Variants in SREK1IP1 observed in about 807,000 individuals in gnomAD.
SREK1IP1 encodes the protein protein SREK1IP1.
Under a neutral mutation model 22.8 loss-of-function variants are expected in SREK1IP1, and 12 were observed. The ratio of observed to expected loss-of-function variants is 0.53; its 90% CI spans 0.34 to 0.85. The LOEUF is 0.85. Among genes scored for constraint, SREK1IP1 ranks in the 40% least tolerant of loss-of-function variants. The pLI is 0.02. For synonymous variants in SREK1IP1, 53 were observed against 52.7 expected (o/e 1.01, Z -0.02); for missense variants, 147 against 171.8 (o/e 0.86, Z 0.81).
At chr5:64,750,514 G>C (rs1259857085) in intron 2 of SREK1IP1, among the ~76,000 whole-genome samples, 1 of 152,034 alleles carries the variant, frequency 6.6e-6, no homozygotes, top group Non-Finnish European at 1.5e-5. Flanking sequence ...GGCAATGCTT[G>C]AGTGTAACAA....
rs528221538 is a variant in SREK1IP1 at position 64,729,643 on chromosome 5, A to T, written c.206-1464T>A. ...AAGGTAAATGAATTGGAAAGGGCTA[A>T]GGGGAAAAGGCAGGGGAATAATAAA... On this transcript the variant is annotated intron_variant, in intron 3 of 4. Coordinates refer to ENST00000513458, the MANE Select transcript of SREK1IP1 (RefSeq NM_173829.4). 9.2e-5 allele frequency among the ~76,000 whole-genome samples: 14 copies of T among 152,280 alleles called. No individual in the cohort carries two copies. In the South Asian group the frequency reaches 2.9e-3, roughly 32 times the overall value.
chr5:64,746,324 A>C (rs1234424422), intron 2 of SREK1IP1, among the ~76,000 whole-genome samples: 2 of 152,246 alleles, frequency 1.3e-5, no homozygotes, highest in Non-Finnish European at 2.9e-5. Flanking sequence ...TCTTAGATCT[A>C]ACACCAAAAG....
chr5:64,751,017 C>A (rs1247524876), intron 2 of SREK1IP1, among the ~76,000 whole-genome samples: 1 of 152,190 alleles, frequency 6.6e-6, no homozygotes, highest in East Asian at 1.9e-4. Context: ...TTGGCTTTCT[C>A]TATTTCATCC....
chr5:64,718,195 G>T lies in SREK1IP1; in HGVS notation c.*6189C>A. ...ATTAAACGCACATTAAGGTTTTATT[G>T]GTTTTCCTTTGTATAAATTTATTTG... On this transcript the variant is annotated 3_prime_UTR_variant, in exon 5 of 5. Transcript: ENST00000513458. The T allele has an allele frequency of 2.0e-6, 1 of 494,918 alleles. No homozygotes were observed. Among genetic ancestry groups the T allele is most frequent in the South Asian group, 4.4e-5 (1 of 22,676 alleles). 30.7% of individuals were successfully genotyped at this position (494,918 alleles called of 1,614,324 possible).
chr5:64,761,429 G>A (rs1742950679), intron 1 of SREK1IP1, among the ~76,000 whole-genome samples: 1 of 152,158 alleles, frequency 6.6e-6, no homozygotes, highest in Admixed American at 6.5e-5. Flanking sequence ...TTTTGTCCTT[G>A]TGGCAACATC....
intron 2 of SREK1IP1, among the ~76,000 whole-genome samples, chr5:64,750,811 G>A (rs538867668): frequency 3.3e-5 from 5 of 152,228 alleles, no homozygotes; most frequent in African/African-American, 1.2e-4. Context: ...ATACCTCTTA[G>A]AGGAACTTGC....
At position 64,757,085 on chromosome 5, in the gene SREK1IP1, T is replaced by C. The variant is rs569022482; in HGVS notation, c.14-2723A>G. On this transcript the variant is annotated intron_variant, in intron 1 of 4. Transcript: ENST00000513458. ...TTATGAAGTTAAAACATTAGTTATT[T>C]TCCCCTTAAATTTTAATATTATTTT... Among the ~76,000 whole-genome samples, 262 of 152,348 alleles carry C rather than the reference T, an allele frequency of 1.7e-3. 1 individual carries two copies. Among genetic ancestry groups the C allele is most frequent in the Non-Finnish European group, 2.1e-3 (145 of 68,026 alleles).
intron 4 of SREK1IP1, among the ~76,000 whole-genome samples, chr5:64,725,606 T>C (rs1001409424): frequency 2.0e-5 from 3 of 152,184 alleles, no homozygotes; most frequent in African/African-American, 7.2e-5. Flanking sequence ...GAGTTTTCCC[T>C]TATTTTTGTA....
At chr5:64,763,225 G>C (rs2432138) in intron 1 of SREK1IP1, among the ~76,000 whole-genome samples, 25,482 of 151,948 alleles carry the variant, frequency 0.17, 2,599 homozygotes, top group Non-Finnish European at 0.23. Context: ...CAATTAATCC[G>C]TGAAGAAAAA....
intron 1 of SREK1IP1, among the ~76,000 whole-genome samples, chr5:64,763,267 G>A (rs750292964): frequency 1.8e-4 from 28 of 152,002 alleles, no homozygotes; most frequent in Admixed American, 1.1e-3. Context: ...GGCTGGGCGC[G>A]GTGGCTCATG....
At chr5:64,732,042 T>C (rs1458012697) in intron 3 of SREK1IP1, among the ~76,000 whole-genome samples, 1 of 152,170 alleles carries the variant, frequency 6.6e-6, no homozygotes, top group Non-Finnish European at 1.5e-5. Flanking sequence ...GACTCAGAAA[T>C]TGTACAAATC....
chr5:64,768,669 T>C lies in SREK1IP1; in HGVS notation c.-152A>G. 1.0e-6 allele frequency: 1 copy of C among 1,000,776 alleles called. No homozygotes were observed. The highest frequency in any genetic ancestry group is 1.4e-5 in the South Asian group (1 of 71,550). The allele number at this position is 1,000,776 out of a possible 1,614,324, so 62.0% of individuals were successfully genotyped here. On this transcript the variant is annotated 5_prime_UTR_variant, in exon 1 of 5. Transcript: ENST00000513458. ...CGGTCGGGAAGGGCCTGTACGCCTCTAGCGACGGCAGAACCAGTAGATGCG... is the reference window on the plus strand; with the variant it reads ...CGGTCGGGAAGGGCCTGTACGCCTCCAGCGACGGCAGAACCAGTAGATGCG...
chr5:64,744,185 G>A (rs1742595261), intron 2 of SREK1IP1, among the ~76,000 whole-genome samples: 1 of 152,050 alleles, frequency 6.6e-6, no homozygotes, highest in East Asian at 1.9e-4. Flanking sequence ...CACTGTGCAT[G>A]CTCACCTCCC....
At chr5:64,747,711 G>A (rs1375351265) in intron 2 of SREK1IP1, among the ~76,000 whole-genome samples, 1 of 151,840 alleles carries the variant, frequency 6.6e-6, no homozygotes, top group Non-Finnish European at 1.5e-5. Flanking sequence ...GGTGGATCAC[G>A]AGGTCAGGAG....
rs561875115 is a variant in SREK1IP1 at position 64,754,476 on chromosome 5, T to C, written c.14-114A>G. ...ATTTGTTATAGAATTTCTTTTTTTTTGTTGTTGAGACAAGGTGTCACTCTG... is the reference window on the plus strand; with the variant it reads ...ATTTGTTATAGAATTTCTTTTTTTTCGTTGTTGAGACAAGGTGTCACTCTG... On this transcript the variant is annotated intron_variant, in intron 1 of 4. Transcript: ENST00000513458. 5.8e-6 allele frequency: 6 copies of C among 1,030,854 alleles called. No individual in the cohort carries two copies. The African/African-American group carries it at 1.0e-4, about 17-fold the overall frequency. 63.9% of individuals were successfully genotyped at this position (1,030,854 alleles called of 1,614,324 possible).
intron 2 of SREK1IP1, among the ~76,000 whole-genome samples, chr5:64,742,569 T>C (rs943944742): frequency 3.9e-5 from 6 of 152,204 alleles, no homozygotes; most frequent in Non-Finnish European, 8.8e-5. Flanking sequence ...TCCAGTTGTC[T>C]CTTATTTTGT....
chr5:64,739,516 T>G (rs1297659424), intron 3 of SREK1IP1, among the ~76,000 whole-genome samples: 1 of 152,108 alleles, frequency 6.6e-6, no homozygotes, highest in East Asian at 1.9e-4. Context: ...TAGGGGATTC[T>G]AGAATATATG....
chr5:64,727,877 ATAAGT>A (rs1742302567), intron 4 of SREK1IP1: 3 of 302,620 alleles, frequency 9.9e-6, no homozygotes, highest in Non-Finnish European at 1.6e-5. Context: ...AATTCTATTA[ATAAGT>A]TAATTTATTA....
intron 3 of SREK1IP1, among the ~76,000 whole-genome samples, chr5:64,728,492 A>G (rs1742315046): frequency 6.6e-6 from 1 of 152,218 alleles, no homozygotes; most frequent in Non-Finnish European, 1.5e-5. Context: ...GCAGAACACT[A>G]CAACAGTGCA....
Sources: allele counts gnomAD v4.1 joint callset (sites outside exome capture counted in the v4.1 genomes callset), GRCh38; gene constraint gnomAD v4.1.1; transcripts MANE v1.5; gene names NCBI Gene and HGNC (gene_info 2026-07-23, HGNC 2026-07-21).